Variants in MCC observed in about 807,000 individuals in gnomAD.
The protein encoded by MCC is colorectal mutant cancer protein.
Under a neutral mutation model 116.2 loss-of-function variants are expected in MCC, and 90 were observed. The observed-to-expected ratio is 0.77, with a 90% CI of 0.65 to 0.92. The LOEUF (loss-of-function observed/expected upper bound fraction) is 0.92. Ranked by LOEUF, MCC falls within the 40% of genes least tolerant of loss-of-function variation. The pLI is 0.00. For synonymous variants in MCC, 578 were observed against 510.5 expected, an observed-to-expected ratio of 1.13 and a Z score of -1.78; for missense variants, 1,516 against 1,312.2, an observed-to-expected ratio of 1.16 and a Z score of -2.40.
intron 3 of MCC, among the ~76,000 whole-genome samples, chr5:113,160,564 G>C (rs1244154210): frequency 1.3e-5 from 2 of 152,194 alleles, no homozygotes; most frequent in East Asian, 3.8e-4. Context: ...GAAAGCCCAG[G>C]TCTGTCTAAC....
intron 5 of MCC, among the ~76,000 whole-genome samples, chr5:113,126,777 C>G (rs1194706886): frequency 6.6e-6 from 1 of 152,110 alleles, no homozygotes. Context: ...CAACAGTAGA[C>G]TATTAGTAGT....
At chr5:113,091,235 A>G (rs182328686) in intron 8 of MCC, among the ~76,000 whole-genome samples, 3 of 152,360 alleles carry the variant, frequency 2.0e-5, no homozygotes, top group African/African-American at 4.8e-5. Flanking sequence ...CAAACTTGAC[A>G]TGAACACTGG....
At chr5:113,448,000 G>A (rs190027299) in intron 1 of MCC, 2 of 152,358 alleles carry the variant, frequency 1.3e-5, no homozygotes, top group African/African-American at 2.4e-5. Flanking sequence ...GGTGTAGAGG[G>A]ACTGGAAAAA....
intron 16 of MCC, among the ~76,000 whole-genome samples, chr5:113,044,119 G>A (rs1264612138): frequency 1.3e-5 from 2 of 152,182 alleles, no homozygotes; most frequent in Non-Finnish European, 1.5e-5. Flanking sequence ...AATCATACAA[G>A]ACAAGTGAGA....
At chr5:113,166,257 T>A (rs1005131206) in intron 3 of MCC, among the ~76,000 whole-genome samples, 1 of 152,070 alleles carries the variant, frequency 6.6e-6, no homozygotes, top group Non-Finnish European at 1.5e-5. Context: ...GATAAAAATA[T>A]CAAAAGAAAA....
intron 11 of MCC, 46 bp downstream of exon 11, chr5:113,082,814 C>A: frequency 6.3e-7 from 1 of 1,599,642 alleles, no homozygotes. Context: ...TGAGGAGTAG[C>A]ACCTCCTCCC....
chr5:113,042,834 T>C (rs1359637890), intron 17 of MCC, among the ~76,000 whole-genome samples: 2 of 151,552 alleles, frequency 1.3e-5, no homozygotes, highest in Non-Finnish European at 2.9e-5. Flanking sequence ...TAAAATAATG[T>C]AGACATATTA....
intron 3 of MCC, among the ~76,000 whole-genome samples, chr5:113,298,986 A>G (rs1766782245): frequency 1.3e-5 from 2 of 152,132 alleles, no homozygotes; most frequent in Non-Finnish European, 2.9e-5. Context: ...ACCCCATTGC[A>G]TGTAAAGAGT....
intron 1 of MCC, among the ~76,000 whole-genome samples, chr5:113,483,615 A>G (rs760660303): frequency 4.4e-4 from 67 of 152,316 alleles, no homozygotes; most frequent in Admixed American, 4.6e-4. Context: ...AAGAAAAAAT[A>G]TCTTTAATAA....
At chr5:113,453,941 T>C (rs1771471198) in intron 1 of MCC, among the ~76,000 whole-genome samples, 1 of 151,938 alleles carries the variant, frequency 6.6e-6, no homozygotes, top group African/African-American at 2.4e-5. Flanking sequence ...AGAAACCCCA[T>C]CTCTACTAAA....
chr5:113,464,432 A>T (rs1236820428), intron 1 of MCC, among the ~76,000 whole-genome samples: 1 of 152,180 alleles, frequency 6.6e-6, no homozygotes, highest in African/African-American at 2.4e-5. Flanking sequence ...CTTCCTTCAC[A>T]GAAATAAATG....
At chr5:113,121,424 C>G (rs907607667) in intron 6 of MCC, among the ~76,000 whole-genome samples, 1 of 152,184 alleles carries the variant, frequency 6.6e-6, no homozygotes, top group African/African-American at 2.4e-5. Flanking sequence ...CCCTCTCACA[C>G]CTCTGTGTCC....
rs113162430 is a variant in MCC, at chr5:113,472,275, G to A, written c.170+15970C>T. 9.7e-4 allele frequency among the ~76,000 whole-genome samples: 148 copies of A among 152,320 alleles called. 4 individuals carry two copies. The highest frequency in any genetic ancestry group is 3.3e-3 in the African/African-American group (139 of 41,572). On this transcript the variant is annotated intron_variant, in intron 1 of 18. Transcript: ENST00000408903. ...TCGCTCACGCTGGGAGCTGTAGACC[G>A]GAGCTGTTCCTATTCGGCCATCTTC...
intron 3 of MCC, among the ~76,000 whole-genome samples, chr5:113,335,959 G>T (rs1767858639): frequency 6.6e-6 from 1 of 151,750 alleles, no homozygotes; most frequent in Non-Finnish European, 1.5e-5. Context: ...AATTTATAAT[G>T]AATAGAAATT....
intron 2 of MCC, among the ~76,000 whole-genome samples, chr5:113,365,625 A>G (rs889014721): frequency 3.2e-4 from 48 of 152,292 alleles, no homozygotes; most frequent in African/African-American, 1.1e-3. Context: ...AATTTTCTGT[A>G]TTAGTTCATT....
intron 2 of MCC, among the ~76,000 whole-genome samples, chr5:113,368,467 A>G (rs2150388009): frequency 6.6e-6 from 1 of 152,298 alleles, no homozygotes; most frequent in South Asian, 2.1e-4. Flanking sequence ...AACGGTGAAC[A>G]TCCTGCATCA....
chr5:113,423,238 G>A (rs1770388296), intron 1 of MCC, among the ~76,000 whole-genome samples: 3 of 152,200 alleles, frequency 2.0e-5, no homozygotes. Context: ...GCACAGTGCT[G>A]AAGGGCTGTC....
intron 2 of MCC, among the ~76,000 whole-genome samples, chr5:113,354,782 G>GTATTATTATTATTATTATTATTAT (rs753455923): frequency 4.2e-5 from 3 of 70,804 alleles, no homozygotes; most frequent in African/African-American, 2.2e-4. Flanking sequence ...CATATACCCT[G>GTATTATTATTATTATTATTATTAT]TATTATTATT....
At chr5:113,105,522 C>G (rs1399731598) in intron 6 of MCC, among the ~76,000 whole-genome samples, 1 of 152,202 alleles carries the variant, frequency 6.6e-6, no homozygotes, top group Non-Finnish European at 1.5e-5. Context: ...ACCTGTTCCT[C>G]CCCGATCTCT....
Sources: gnomAD v4.1 joint callset for allele counts (sites outside exome capture counted in the v4.1 genomes callset) on GRCh38, gnomAD v4.1.1 for gene constraint, MANE v1.5 for transcripts, NCBI Gene and HGNC (gene_info 2026-07-23, HGNC 2026-07-21) for gene names.